The following LRRC37B variants were observed in gnomAD, a reference collection of about 807,000 sequenced individuals.
LRRC37B encodes the protein leucine rich repeat containing 37B, also known as leucine-rich repeat-containing protein 37B.
Under a neutral mutation model 98.3 loss-of-function variants are expected in LRRC37B, and 28 were observed. The observed-to-expected ratio is 0.28, with a 90% CI of 0.21 to 0.39. LRRC37B has a LOEUF of 0.39. Ranked by LOEUF, LRRC37B falls within the 10% of genes least tolerant of loss-of-function variation. LRRC37B has a pLI of 1.00. For missense variants in LRRC37B, 938 were observed against 1,182.7 expected (o/e 0.79, Z 3.03); for synonymous variants, 364 against 442.7 (o/e 0.82, Z 2.23).
chr17:32,048,750 T>A (rs1417652388), intron 9 of LRRC37B, among the ~76,000 whole-genome samples: 4 of 152,264 alleles, frequency 2.6e-5, no homozygotes, highest in Non-Finnish European at 5.9e-5. Flanking sequence ...AAGAGGCCGC[T>A]GTTCTCTGCA....
At chr17:32,052,917 C>G (rs1414745559) in intron 11 of LRRC37B, 1 of 188,996 alleles carries the variant, frequency 5.3e-6, no homozygotes, top group African/African-American at 2.4e-5. Context: ...TGCTCTCCAG[C>G]CTGAGTGACA....
intron 2 of LRRC37B, among the ~76,000 whole-genome samples, chr17:32,026,431 CTTTA>C (rs1229880696): frequency 1.3e-5 from 2 of 152,152 alleles, no homozygotes; most frequent in Non-Finnish European, 2.9e-5. Flanking sequence ...AGGAGAATTG[CTTTA>C]TTTATTTTTC....
chr17:32,017,314 A>G (rs993406353), upstream of LRRC37B: 1 of 152,192 alleles, frequency 6.6e-6, no homozygotes, highest in Non-Finnish European at 1.5e-5. Context: ...TGAAGTGTCT[A>G]CCAGCCCATG....
At chr17:32,023,138 TG>T (rs1298190906) in intron 1 of LRRC37B, among the ~76,000 whole-genome samples, 31 of 150,110 alleles carry the variant, frequency 2.1e-4, no homozygotes, top group Non-Finnish European at 1.0e-4. Flanking sequence ...TTTTTTTTTT[TG>T]AGACAGAGTT....
chr17:32,016,338 T>C (rs930642897), upstream of LRRC37B, among the ~76,000 whole-genome samples: 4 of 152,262 alleles, frequency 2.6e-5, no homozygotes, highest in Admixed American at 6.5e-5. Flanking sequence ...TGGAAATTCA[T>C]TGACAAATTT....
At chr17:32,021,856 T>C in exon 1 of LRRC37B, 1 of 1,614,198 alleles carries the variant, frequency 6.2e-7, no homozygotes, top group Non-Finnish European at 8.5e-7. Flanking sequence ...CCCGGCAGCC[T>C]ACCTCCAGAA....
exon 1 of LRRC37B, chr17:32,021,815 A>G (rs1234620865): frequency 9.9e-6 from 16 of 1,614,102 alleles, no homozygotes; most frequent in East Asian, 2.2e-5. Flanking sequence ...AGACTTTGCC[A>G]GATGATTATT....
intron 7 of LRRC37B, among the ~76,000 whole-genome samples, chr17:32,038,425 C>T (rs554793355): frequency 1.4e-4 from 22 of 152,282 alleles, no homozygotes; most frequent in Non-Finnish European, 2.6e-4. Context: ...CACCACCGCA[C>T]TCCAGCCTGG....
intron 7 of LRRC37B, chr17:32,040,097 G>C (rs1567617974): frequency 6.5e-6 from 1 of 153,356 alleles, no homozygotes; most frequent in Non-Finnish European, 1.5e-5. Context: ...TGGAAGTCTT[G>C]AGGAGTTTAC....
chr17:32,040,587 A>G (rs1911396463), intron 7 of LRRC37B: 1 of 770,900 alleles, frequency 1.3e-6, no homozygotes, highest in South Asian at 1.3e-5. Context: ...GGCAAGGACC[A>G]TCAAGTACCT....
rs1405617275 is a variant in LRRC37B, at chr17:32,049,175, G to A, written c.2538G>A (p.Met846Ile). Residue 846 changes from methionine (M) to isoleucine (I), a missense_variant, in exon 10 of 12, where the codon ATG becomes ATA. Physicochemically the swap from Met to Ile is conservative, Grantham distance 10. This residue lies in a region of LRRC37B where 328 missense variants were observed against 557.0 expected (regional missense o/e 0.59). Coordinates refer to ENST00000327564, the Ensembl canonical transcript of LRRC37B. ...CCAACGAGGATGTGAGAAAGTTCAT[G>A]TCTCATGTTATCCGGACCTTGAAAA... 3 of 1,613,882 alleles carry A rather than the reference G, an allele frequency of 1.9e-6. No homozygotes were observed. The Admixed American group carries it at 5.0e-5, about 27-fold the overall frequency.
In LRRC37B at chr17:32,008,137, C is replaced by T; in HGVS notation, c.-191+5C>T. On this transcript the variant is annotated splice_donor_5th_base_variant and intron_variant, in intron 1 of 14. Transcript: ENST00000543378. ...GCAGCTTCAGCAGCACTCCAGGTAC[C>T]CACCCAGCGCAGTTGCTGCAGACTC... 2.9e-6 allele frequency: 1 copy of T among 340,478 alleles called. No individual in the cohort carries two copies. Among genetic ancestry groups the T allele is most frequent in the South Asian group, 3.6e-5 (1 of 27,534 alleles). The allele number at this position is 340,478 out of a possible 1,614,324, so 21.1% of individuals were successfully genotyped here.
At chr17:32,035,759 G>A in intron 7 of LRRC37B, 120 bp downstream of exon 10, 1 of 1,108,342 alleles carries the variant, frequency 9.0e-7, no homozygotes, top group Non-Finnish European at 1.3e-6. Flanking sequence ...CTTTATAAGT[G>A]TATAGTTTGA....
chr17:32,007,492 G>A (rs2142232108), upstream of LRRC37B, among the ~76,000 whole-genome samples: 1 of 152,134 alleles, frequency 6.6e-6, no homozygotes, highest in East Asian at 1.9e-4. This position sits in a 1 kb window ranked among gnomAD's most constrained non-coding sequence, Gnocchi z 4.1. Context: ...CGCCGGCCGG[G>A]CCCCTCCCGC....
chr17:32,049,159 A>T, exon 10 of LRRC37B: 2 of 1,613,976 alleles, frequency 1.2e-6, no homozygotes, highest in Non-Finnish European at 1.7e-6. Context: ...CCCAACGAGG[A>T]TGTGAGAAAG....
chr17:32,019,022 G>A (rs1223455494), upstream of LRRC37B, among the ~76,000 whole-genome samples: 1 of 152,100 alleles, frequency 6.6e-6, no homozygotes, highest in Non-Finnish European at 1.5e-5. Context: ...TACCTCCTGG[G>A]TTCAAGTGAT....
chr17:32,050,849 G>C (rs1302957163), intron 11 of LRRC37B, among the ~76,000 whole-genome samples: 1 of 152,170 alleles, frequency 6.6e-6, no homozygotes, highest in African/African-American at 2.4e-5. Context: ...TGTTTACAGT[G>C]CCCATTCCTG....
At chr17:32,023,168 C>T (rs949948312) in intron 1 of LRRC37B, among the ~76,000 whole-genome samples, 5 of 144,964 alleles carry the variant, frequency 3.4e-5, no homozygotes, top group African/African-American at 1.3e-4. Flanking sequence ...GTTGCACAGG[C>T]TGGAGTGCAA....
intron 8 of LRRC37B, among the ~76,000 whole-genome samples, chr17:32,046,097 C>A (rs78892084): frequency 0.069 from 9,811 of 142,864 alleles, no homozygotes; most frequent in South Asian, 0.14. Context: ...ACACTGTGTA[C>A]TGTGCTCTCT....
Sources: gnomAD v4.1 joint callset for allele counts (sites outside exome capture counted in the v4.1 genomes callset) on GRCh38, gnomAD v4.1.1 for gene constraint, gnomAD v4.1.1 regional missense constraint, Gnocchi (gnomAD v3.1) non-coding constraint, MANE v1.5 for transcripts, NCBI Gene and HGNC (gene_info 2026-07-23, HGNC 2026-07-21) for gene names.